RDM1: variants seen among roughly 807,000 people sequenced by gnomAD.
RDM1 encodes the protein RAD52 motif-containing protein 1.
A neutral mutation model predicts 27.7 loss-of-function variants in RDM1; 28 were observed. The observed-to-expected ratio is 1.01, with a 90% CI of 0.75 to 1.39. The LOEUF is 1.39. Among genes scored for constraint, RDM1 ranks in the 40% most tolerant of loss-of-function variants. The probability of loss-of-function intolerance (pLI) is 0.00; values close to 1 mark genes in which losing one functional copy is unlikely to be tolerated. For missense variants in RDM1, 277 were observed against 337.3 expected (o/e 0.82, Z 1.40); for synonymous variants, 124 against 127.5 (o/e 0.97, Z 0.19).
intron 2 of RDM1, among the ~76,000 whole-genome samples, chr17:35,928,755 T>C (rs1162329185): frequency 1.5e-5 from 2 of 135,744 alleles, no homozygotes; most frequent in African/African-American, 5.6e-5. Flanking sequence ...AGAGCGAAAC[T>C]CTGTCTTTAA....
chr17:35,924,565 C>T, intron 4 of RDM1, 39 bp downstream of exon 4: 1 of 1,574,096 alleles, frequency 6.4e-7, no homozygotes, highest in Non-Finnish European at 8.6e-7. Context: ...CCTTTCCACT[C>T]CAAATCCCTA....
Position 35,930,732 on chromosome 17 carries a change from C to T in RDM1, c.-5G>A. 1 of 1,613,060 alleles carries T rather than the reference C, an allele frequency of 6.2e-7. No homozygotes were observed. Among genetic ancestry groups the T allele is most frequent in the South Asian group, 1.1e-5 (1 of 91,030 alleles). On this transcript the variant is annotated 5_prime_UTR_variant, in exon 1 of 7. Transcript: ENST00000620284. Reference sequence around the variant, plus strand: ...AAAAGGTACCAACTCCGCCATCCTCCCTTCACCGCACCTGCGCGGCTAACC... The same window carrying T: ...AAAAGGTACCAACTCCGCCATCCTCTCTTCACCGCACCTGCGCGGCTAACC...
At position 35,918,103 on chromosome 17, in the gene RDM1, G is replaced by A. The variant is rs2088808854; in HGVS notation, c.*239C>T. On this transcript the variant is annotated 3_prime_UTR_variant, in exon 7 of 7. Coordinates refer to ENST00000620284, the MANE Select transcript of RDM1 (RefSeq NM_145654.4). ...TCTTTATCTAGGCAACCTTTATTAA[G>A]TTCCGTTCGAGATCCGCTCCTCGTC... 1 of 578,028 alleles carries A rather than the reference G, an allele frequency of 1.7e-6. No individual in the cohort carries two copies. Among genetic ancestry groups the A allele is most frequent in the Non-Finnish European group, 3.1e-6 (1 of 322,530 alleles). 35.8% of individuals were successfully genotyped at this position (578,028 alleles called of 1,614,324 possible).
chr17:35,924,575 A>C (rs762158708), intron 4 of RDM1, 29 bp downstream of exon 4: 1 of 1,591,896 alleles, frequency 6.3e-7, no homozygotes, highest in Non-Finnish European at 8.6e-7. Flanking sequence ...CCAAATCCCT[A>C]CCCTCCTCCA....
At chr17:35,926,983 C>T (rs1476772530) in intron 2 of RDM1, among the ~76,000 whole-genome samples, 7 of 151,828 alleles carry the variant, frequency 4.6e-5, no homozygotes, top group African/African-American at 1.5e-4. Flanking sequence ...CTGGCGAGAC[C>T]GGCCTGTATC....
chr17:35,926,794 C>CT (rs1208622068), intron 2 of RDM1, among the ~76,000 whole-genome samples: 3 of 152,106 alleles, frequency 2.0e-5, no homozygotes, highest in African/African-American at 7.2e-5. Context: ...ATAGCTTATT[C>CT]TTTTTTCATT....
intron 2 of RDM1, among the ~76,000 whole-genome samples, chr17:35,928,446 C>CA (rs2089222630): frequency 6.6e-6 from 1 of 152,108 alleles, no homozygotes; most frequent in Admixed American, 6.5e-5. Flanking sequence ...TGGTCACACC[C>CA]ACACATTTTA....
intron 4 of RDM1, among the ~76,000 whole-genome samples, chr17:35,923,046 G>A (rs2089003158): frequency 6.6e-6 from 1 of 152,222 alleles, no homozygotes; most frequent in African/African-American, 2.4e-5. Context: ...TGGACCTGGT[G>A]GCCCATGCCT....
intron 6 of RDM1, among the ~76,000 whole-genome samples, chr17:35,918,917 A>C (rs1242024872): frequency 2.0e-5 from 3 of 152,234 alleles, no homozygotes; most frequent in African/African-American, 7.2e-5. Context: ...ATCTTATGCC[A>C]GTGCCTAGCA....
chr17:35,919,303 C>T (rs572387290), intron 6 of RDM1, among the ~76,000 whole-genome samples: 1 of 152,196 alleles, frequency 6.6e-6, no homozygotes, highest in South Asian at 2.1e-4. Flanking sequence ...GAAACTTAAT[C>T]CCTATTTAAG....
At chr17:35,920,741 C>A (rs2088915178) in intron 5 of RDM1, among the ~76,000 whole-genome samples, 1 of 152,106 alleles carries the variant, frequency 6.6e-6, no homozygotes, top group Non-Finnish European at 1.5e-5. Flanking sequence ...AGGTGTGAGT[C>A]ACCATGTCTG....
At chr17:35,930,287 T>A (rs771121905) in intron 1 of RDM1, 32 bp from the exon 2 acceptor site, 69 of 1,613,648 alleles carry the variant, frequency 4.3e-5, no homozygotes, top group Non-Finnish European at 5.8e-5. Context: ...ATGCATGAAA[T>A]CTCACGCCCA....
rs548519021 is a variant in RDM1 at position 35,924,720 on chromosome 17, G to A, written c.452C>T (p.Pro151Leu). The A allele has an allele frequency of 6.2e-7, 1 of 1,614,130 alleles. No individual in the cohort carries two copies. Among genetic ancestry groups the A allele is most frequent in the African/African-American group, 1.3e-5 (1 of 75,050 alleles). The change falls in exon 4 of 7, where the codon CCA becomes CTA. Residue 151 changes from proline (P) to leucine (L), a missense_variant. Physicochemically the swap from Pro to Leu is moderately conservative, Grantham distance 98. Coordinates refer to ENST00000620284, the MANE Select transcript of RDM1 (RefSeq NM_145654.4). The stretch of plus-strand genomic sequence containing the variant: ...GAACTTCAGGCTTTGCTTCGGAAGT[G>A]GCACCATGCTATCTTCATTTTCCCT... ...EERENEDSMV[P>L]LPKQSLKFFC...
chr17:35,920,461 T>C (rs1409587278), intron 5 of RDM1, among the ~76,000 whole-genome samples, 189 bp from the exon 6 acceptor site: 1 of 149,190 alleles, frequency 6.7e-6, no homozygotes, highest in Non-Finnish European at 1.5e-5. Context: ...TCTTTCTTTT[T>C]TTTTTTTTTT....
In RDM1 at chr17:35,923,641, C is replaced by T. The variant is rs554718394; in HGVS notation, c.568+963G>A. 4.2e-4 allele frequency among the ~76,000 whole-genome samples: 64 copies of T among 152,114 alleles called. 1 individual carries two copies. The highest frequency in any genetic ancestry group is 1.5e-3 in the African/African-American group (61 of 41,488). Reference sequence around the variant, plus strand: ...TCACGCCAGTGCACTTCAGCCTGGGCGACTGAGTGAGGCTCCATCTCAAAA... The same window carrying T: ...TCACGCCAGTGCACTTCAGCCTGGGTGACTGAGTGAGGCTCCATCTCAAAA... On this transcript the variant is annotated intron_variant, in intron 4 of 6. Transcript: ENST00000620284.
rs914895213 is a variant in RDM1 at position 35,924,873 on chromosome 17, C to T, written c.400-101G>A. 9.0e-5 allele frequency: 104 copies of T among 1,149,968 alleles called. 1 individual carries two copies. The South Asian group carries it at 1.0e-3, about 11-fold the overall frequency. The allele number at this position is 1,149,968 out of a possible 1,614,324, so 71.2% of individuals were successfully genotyped here. A position where few individuals can be genotyped will look rare whatever the true frequency, so the allele number is the denominator to read the frequency against. ...AAACTTGGCTGGGCGTGGTGGTTCACGCCTGTAATCCCAGTACTTTGGGAG... is the reference window on the plus strand; with the variant it reads ...AAACTTGGCTGGGCGTGGTGGTTCATGCCTGTAATCCCAGTACTTTGGGAG... On this transcript the variant is annotated intron_variant, in intron 3 of 6. Transcript: ENST00000620284.
Position 35,925,551 on chromosome 17 carries a change from G to T in RDM1, c.363C>A (p.Tyr121Ter), listed in dbSNP as rs750253387. The T allele has an allele frequency of 1.3e-5, 21 of 1,613,848 alleles. No individual in the cohort carries two copies. The East Asian group carries it at 4.2e-4, about 33-fold the overall frequency. Reference sequence around the variant, plus strand: ...TTTTGGAACACCCATTGAAACCAAAGTAGTAATTCGCCAGTTCTTGGCATT... The same window carrying T: ...TTTTGGAACACCCATTGAAACCAAATTAGTAATTCGCCAGTTCTTGGCATT... ...SSKCQELANY[Y>*]FGFNGCSKRI... Residue 121 changes from tyrosine to a stop codon, truncating the protein, a stop_gained, in exon 3 of 7, where the codon TAC (tyrosine) becomes TAA (stop). Transcript: ENST00000620284. LOFTEE classifies it high-confidence loss of function.
intron 2 of RDM1, among the ~76,000 whole-genome samples, chr17:35,928,960 A>T (rs2089239825): frequency 6.6e-6 from 1 of 150,930 alleles, no homozygotes; most frequent in South Asian, 2.1e-4. Flanking sequence ...CTGTAGTCCC[A>T]GCTACTCAGG....
rs202104033 is a variant in RDM1, at chr17:35,920,198, C to T, written c.742G>A (p.Gly248Ser). 2.6e-5 allele frequency: 40 copies of T among 1,565,654 alleles called. No homozygotes were observed. In the Admixed American group the frequency reaches 6.1e-4, roughly 24 times the overall value. Residue 248 changes from glycine (G) to serine (S), a missense_variant, in exon 6 of 7, where the codon GGT (glycine) becomes AGT (serine). By Grantham distance (56) the Gly-to-Ser change is moderately conservative. Transcript: ENST00000620284. ...VGVRCEEELH[G>S]LIQVPCSPWK... ...TTATCTTCACATACTTGAATTAAAC[C>T]GTGTAGTTCTTCTTCGCATCTGACA... is the stretch of plus-strand genomic sequence containing the variant.
Sources: gnomAD v4.1 joint callset for allele counts (sites outside exome capture counted in the v4.1 genomes callset) on GRCh38, gnomAD v4.1.1 for gene constraint, MANE v1.5 for transcripts, NCBI Gene and HGNC (gene_info 2026-07-23, HGNC 2026-07-21) for gene names.